Variants in ROR2 observed in about 807,000 individuals in gnomAD.
ROR2 encodes the protein ROR family WNT receptor 2.
Under a neutral mutation model 74.9 loss-of-function variants are expected in ROR2, and 33 were observed. That is an observed-to-expected ratio of 0.44 (90% CI 0.33 to 0.59). The LOEUF is 0.59. Ranked by LOEUF, ROR2 falls within the 20% of genes least tolerant of loss-of-function variation. The pLI, the probability that ROR2 is intolerant of heterozygous loss-of-function variation, is 0.02. For missense variants in ROR2, 1,216 were observed against 1,313.8 expected (o/e 0.93, Z 1.15); for synonymous variants, 586 against 558.7 (o/e 1.05, Z -0.69).
intron 1 of ROR2, among the ~76,000 whole-genome samples, chr9:91,927,591 A>C (rs1211732121): frequency 1.3e-5 from 1 of 75,364 alleles, no homozygotes; most frequent in Admixed American, 2.1e-4. Context: ...TTTGAGACGG[A>C]GTCTCTCTGT....
At chr9:91,878,398 C>T (rs1830013064) in intron 1 of ROR2, among the ~76,000 whole-genome samples, 1 of 152,202 alleles carries the variant, frequency 6.6e-6, no homozygotes, top group African/African-American at 2.4e-5. Flanking sequence ...CAAAGCCTTC[C>T]CAGCCTTGCC....
intron 5 of ROR2, among the ~76,000 whole-genome samples, chr9:91,736,888 T>A (rs1480017037): frequency 3.3e-5 from 5 of 152,154 alleles, no homozygotes; most frequent in African/African-American, 1.2e-4. Context: ...ACAAAGTGTG[T>A]GTTCACTGCA....
rs1460278080 is a variant in ROR2 at position 91,949,976 on chromosome 9, G to C, written c.-13C>G. 2.1e-6 allele frequency: 3 copies of C among 1,429,698 alleles called. No homozygotes were observed. The South Asian group carries it at 4.3e-5, about 21-fold the overall frequency. 88.6% of individuals were successfully genotyped at this position (1,429,698 alleles called of 1,614,324 possible). ...AGCCCCGGGCCATGCCGCAGGCAGT[G>C]GGGGCCGGGAAGCCCTCAGAGCTTC... On this transcript the variant is annotated 5_prime_UTR_variant, in exon 1 of 9. Coordinates refer to ENST00000375708, the MANE Select transcript of ROR2 (RefSeq NM_004560.4).
At position 91,733,108 on chromosome 9, in the gene ROR2, C is replaced by T. The variant is rs1016927327; in HGVS notation, c.937+14G>A. 3.8e-6 allele frequency: 6 copies of T among 1,581,800 alleles called. No individual in the cohort carries two copies. The highest frequency in any genetic ancestry group is 1.8e-5 in the Admixed American group (1 of 55,380). On this transcript the variant is annotated intron_variant, in intron 6 of 8. Coordinates refer to ENST00000375708, the MANE Select transcript of ROR2 (RefSeq NM_004560.4). This position sits in a 1 kb window ranked among gnomAD's most constrained non-coding sequence, Gnocchi z 5.7. ...TGCGCCCCCCGGTCCCGCCCCGGGCCCTCGGGCACTCACAGCGGCCCAGCC... is the reference window on the plus strand; with the variant it reads ...TGCGCCCCCCGGTCCCGCCCCGGGCTCTCGGGCACTCACAGCGGCCCAGCC...
intron 1 of ROR2, among the ~76,000 whole-genome samples, chr9:91,925,636 C>T (rs1831377792): frequency 6.6e-6 from 1 of 152,138 alleles, no homozygotes; most frequent in East Asian, 1.9e-4. Context: ...ATGCACACAC[C>T]TAAGTTTCTT....
chr9:91,732,578 G>A (rs1234628678), intron 6 of ROR2, among the ~76,000 whole-genome samples: 1 of 152,122 alleles, frequency 6.6e-6, no homozygotes, highest in Non-Finnish European at 1.5e-5. Context: ...TTCTTCTCAG[G>A]TGCCCTCCCA....
chr9:91,858,049 G>A (rs978166388), intron 1 of ROR2, among the ~76,000 whole-genome samples: 4 of 152,240 alleles, frequency 2.6e-5, no homozygotes, highest in East Asian at 3.9e-4. Flanking sequence ...CCCAGAATCC[G>A]GTCCTAATCC....
chr9:91,725,379 G>A (rs961805266), intron 8 of ROR2, among the ~76,000 whole-genome samples: 1 of 152,096 alleles, frequency 6.6e-6, no homozygotes, highest in African/African-American at 2.4e-5. Flanking sequence ...AAATCCAGCT[G>A]GGACACACTG....
intron 1 of ROR2, among the ~76,000 whole-genome samples, chr9:91,779,957 T>C (rs979295996): frequency 2.0e-5 from 3 of 152,266 alleles, no homozygotes; most frequent in Admixed American, 6.5e-5. Flanking sequence ...ATGTCTTGTA[T>C]ATTCCAGGCT....
chr9:91,856,460 C>CA (rs1197396937), intron 1 of ROR2, among the ~76,000 whole-genome samples: 3 of 152,200 alleles, frequency 2.0e-5, no homozygotes, highest in African/African-American at 7.2e-5. Context: ...CATTTGGAGA[C>CA]AGACTTTTAA....
chr9:91,817,453 AG>A (rs1827980041), intron 1 of ROR2, among the ~76,000 whole-genome samples: 1 of 152,194 alleles, frequency 6.6e-6, no homozygotes, highest in East Asian at 1.9e-4. Context: ...GCACCAGGGA[AG>A]GGGTTCGGCT....
intron 1 of ROR2, among the ~76,000 whole-genome samples, chr9:91,945,450 C>T (rs544141067): frequency 6.6e-6 from 1 of 152,324 alleles, no homozygotes; most frequent in East Asian, 1.9e-4. Flanking sequence ...CTTGAAGCAG[C>T]CGCCACATTC....
chr9:91,881,697 G>A (rs1587816547), intron 1 of ROR2, among the ~76,000 whole-genome samples: 1 of 152,194 alleles, frequency 6.6e-6, no homozygotes, highest in African/African-American at 2.4e-5. Flanking sequence ...GGGAGGACGA[G>A]CACTCCTGAG....
At chr9:91,741,157 G>A (rs550298110) in intron 4 of ROR2, among the ~76,000 whole-genome samples, 213 of 151,920 alleles carry the variant, frequency 1.4e-3, no homozygotes, top group Non-Finnish European at 1.8e-3. Context: ...ACAATTAGCC[G>A]GGTGTGGTGG....
In ROR2 at chr9:91,905,452, CACA is replaced by C. The variant is rs926406947; in HGVS notation, c.97+44412_97+44414del. ...ACAAAGATGACAACACAACCCAACA[CACA>C]ACACATACCACACACAACAAAGACA... On this transcript the variant is annotated intron_variant, in intron 1 of 8. Coordinates refer to ENST00000375708, the MANE Select transcript of ROR2 (RefSeq NM_004560.4). The surrounding 1 kb of genome is among the most constrained non-coding windows in gnomAD (Gnocchi z 5.3). 6.6e-6 allele frequency among the ~76,000 whole-genome samples: 1 copy of C among 151,954 alleles called. No individual in the cohort carries two copies. The highest frequency in any genetic ancestry group is 1.5e-5 in the Non-Finnish European group (1 of 67,966).
intron 1 of ROR2, among the ~76,000 whole-genome samples, chr9:91,812,907 A>G (rs1827808915): frequency 6.6e-6 from 1 of 152,176 alleles, no homozygotes; most frequent in African/African-American, 2.4e-5. Flanking sequence ...ACCTGGAGCC[A>G]ATGTTTGTGG....
intron 5 of ROR2, among the ~76,000 whole-genome samples, chr9:91,735,826 C>T (rs1467660935): frequency 6.6e-6 from 1 of 151,896 alleles, no homozygotes; most frequent in African/African-American, 2.4e-5. Context: ...CCATGTTGGT[C>T]AGGCTGGTCT....
intron 2 of ROR2, among the ~76,000 whole-genome samples, chr9:91,769,334 G>A (rs964975684): frequency 6.6e-6 from 1 of 152,118 alleles, no homozygotes; most frequent in African/African-American, 2.4e-5. Context: ...GACACCCGCA[G>A]GGCTGAGATG....
chr9:91,800,957 G>A (rs1827355961), intron 1 of ROR2, among the ~76,000 whole-genome samples: 1 of 152,160 alleles, frequency 6.6e-6, no homozygotes, highest in Non-Finnish European at 1.5e-5. Context: ...CTCTTGGAGG[G>A]GAAAGTTTTG....
Sources: allele counts gnomAD v4.1 joint callset (sites outside exome capture counted in the v4.1 genomes callset), GRCh38; gene constraint gnomAD v4.1.1; non-coding constraint Gnocchi (gnomAD v3.1); transcripts MANE v1.5; gene names NCBI Gene and HGNC (gene_info 2026-07-23, HGNC 2026-07-21).